SUPT3H: variants seen among roughly 807,000 people sequenced by gnomAD.
The protein encoded by SUPT3H is SPT3 homolog, SAGA and STAGA complex component.
In SUPT3H, 44 loss-of-function variants were observed where a neutral mutation model predicts 44.3. The ratio of observed to expected loss-of-function variants is 0.99; its 90% CI spans 0.78 to 1.28. The LOEUF is 1.28. Among genes scored for constraint, SUPT3H ranks in the 50% most tolerant of loss-of-function variants. The pLI is 0.00. For missense variants in SUPT3H, 380 were observed against 387.1 expected (o/e 0.98, Z 0.15); for synonymous variants, 124 against 125.6 (o/e 0.99, Z 0.09).
chr6:45,008,650 C>T (rs1177502982), intron 5 of SUPT3H, among the ~76,000 whole-genome samples: 7 of 152,064 alleles, frequency 4.6e-5, no homozygotes, highest in East Asian at 3.9e-4. Flanking sequence ...CCACCATACT[C>T]GGCCTTGTTT....
At chr6:45,206,839 T>C (rs182722037) in intron 2 of SUPT3H, among the ~76,000 whole-genome samples, 1 of 152,066 alleles carries the variant, frequency 6.6e-6, no homozygotes, top group East Asian at 1.9e-4. Flanking sequence ...CAGGAGCATG[T>C]TTGAGGGAAT....
At chr6:45,127,705 T>C (rs1473808644) in intron 2 of SUPT3H, among the ~76,000 whole-genome samples, 1 of 152,246 alleles carries the variant, frequency 6.6e-6, no homozygotes, top group East Asian at 1.9e-4. Flanking sequence ...TCTATCTCGC[T>C]GATTTCTACT....
intron 3 of SUPT3H, among the ~76,000 whole-genome samples, chr6:45,050,484 G>C (rs1583257158): frequency 6.6e-6 from 1 of 151,940 alleles, no homozygotes; most frequent in African/African-American, 2.4e-5. Context: ...TTTCCATTTA[G>C]GAAATTTTCA....
intron 10 of SUPT3H, among the ~76,000 whole-genome samples, chr6:44,904,213 A>C (rs560704418): frequency 6.6e-6 from 1 of 152,320 alleles, no homozygotes; most frequent in African/African-American, 2.4e-5. Flanking sequence ...CAATTAGGAA[A>C]AGAGGAAGTC....
chr6:44,891,209 G>A (rs1051058280), intron 10 of SUPT3H, among the ~76,000 whole-genome samples: 7 of 152,028 alleles, frequency 4.6e-5, no homozygotes, highest in African/African-American at 1.2e-4. Flanking sequence ...AAAACAGTTC[G>A]GTGGTTCTTC....
intron 2 of SUPT3H, among the ~76,000 whole-genome samples, chr6:45,159,722 C>T (rs531128505): frequency 6.6e-5 from 10 of 152,300 alleles, no homozygotes; most frequent in South Asian, 4.1e-4. Flanking sequence ...ACAAGATCCA[C>T]GTTTAGTTAG....
chr6:45,055,958 G>A (rs1791051159), intron 3 of SUPT3H, among the ~76,000 whole-genome samples: 1 of 151,908 alleles, frequency 6.6e-6, no homozygotes, highest in African/African-American at 2.4e-5. Context: ...AATCTACAAG[G>A]AACTCAAACA....
intron 2 of SUPT3H, among the ~76,000 whole-genome samples, chr6:45,163,158 G>A (rs1809317337): frequency 6.6e-6 from 1 of 152,144 alleles, no homozygotes; most frequent in Non-Finnish European, 1.5e-5. Flanking sequence ...CTTTCTAGGT[G>A]AACTGCAGAT....
chr6:44,975,696 A>G (rs1019856837), intron 6 of SUPT3H, among the ~76,000 whole-genome samples: 3 of 152,208 alleles, frequency 2.0e-5, no homozygotes, highest in Non-Finnish European at 2.9e-5. Context: ...ACACGTAACC[A>G]AAAACCACCT....
At chr6:44,953,246 A>G in intron 9 of SUPT3H, 64 bp downstream of exon 9, 1 of 1,218,268 alleles carries the variant, frequency 8.2e-7, no homozygotes, top group Non-Finnish European at 1.2e-6. Context: ...AGAATCACTA[A>G]TGTAAATACC....
intron 3 of SUPT3H, among the ~76,000 whole-genome samples, chr6:45,067,584 C>T (rs1175695199): frequency 6.6e-6 from 1 of 151,528 alleles, no homozygotes; most frequent in Non-Finnish European, 1.5e-5. Context: ...GGCTAATATT[C>T]AGAATCTACA....
At chr6:45,132,908 A>G (rs1189604928) in intron 2 of SUPT3H, among the ~76,000 whole-genome samples, 1 of 152,224 alleles carries the variant, frequency 6.6e-6, no homozygotes, top group Non-Finnish European at 1.5e-5. Flanking sequence ...CAGAAGTCAC[A>G]TGATTTATCC....
intron 3 of SUPT3H, among the ~76,000 whole-genome samples, chr6:45,024,680 G>C (rs1181655184): frequency 6.6e-6 from 1 of 152,122 alleles, no homozygotes; most frequent in Non-Finnish European, 1.5e-5. Context: ...GGACCGCGGG[G>C]TACATAGACA....
chr6:44,973,802 T>G (rs1396372062), intron 6 of SUPT3H, among the ~76,000 whole-genome samples: 1 of 152,164 alleles, frequency 6.6e-6, no homozygotes, highest in Non-Finnish European at 1.5e-5. Flanking sequence ...AAATACATCC[T>G]TCTTCACATG....
At chr6:44,900,409 G>A (rs899611804) in intron 10 of SUPT3H, among the ~76,000 whole-genome samples, 11 of 152,226 alleles carry the variant, frequency 7.2e-5, no homozygotes, top group African/African-American at 2.4e-4. Flanking sequence ...CTATGCCCAC[G>A]GAGCCTCGCT....
chr6:45,230,288 C>A (rs1767714951), intron 2 of SUPT3H, among the ~76,000 whole-genome samples: 1 of 152,074 alleles, frequency 6.6e-6, no homozygotes, highest in South Asian at 2.1e-4. Flanking sequence ...TTTATAGATT[C>A]TCTGTCTAGA....
At chr6:44,985,107 G>A (rs1236628642) in intron 6 of SUPT3H, among the ~76,000 whole-genome samples, 1 of 151,304 alleles carries the variant, frequency 6.6e-6, no homozygotes. Flanking sequence ...GGGAGGCTGT[G>A]ATGGAAAGAC....
chr6:45,031,328 A>T (rs970178772), intron 3 of SUPT3H, among the ~76,000 whole-genome samples: 8 of 152,174 alleles, frequency 5.3e-5, no homozygotes, highest in Non-Finnish European at 8.8e-5. Context: ...TATATGTGTG[A>T]TATTTTTATC....
At chr6:45,175,858 C>T (rs1811694545) in intron 2 of SUPT3H, among the ~76,000 whole-genome samples, 1 of 152,146 alleles carries the variant, frequency 6.6e-6, no homozygotes, top group Admixed American at 6.5e-5. Flanking sequence ...ATTATAGATA[C>T]CAGTTATTCT....
Sources: allele counts gnomAD v4.1 joint callset (sites outside exome capture counted in the v4.1 genomes callset), GRCh38; gene constraint gnomAD v4.1.1; transcripts MANE v1.5; gene names NCBI Gene and HGNC (gene_info 2026-07-23, HGNC 2026-07-21).